The following EXTL3 variants were observed in gnomAD, a reference collection of about 807,000 sequenced individuals.
EXTL3 encodes exostosin like glycosyltransferase 3.
A neutral mutation model predicts 69.3 loss-of-function variants in EXTL3; 27 were observed. That is an observed-to-expected ratio of 0.39 (90% confidence interval 0.29 to 0.54). The LOEUF is 0.54. EXTL3 is among the 20% of genes least tolerant of loss of function. The pLI, the probability that EXTL3 is intolerant of heterozygous loss-of-function variation, is 0.69. For synonymous variants in EXTL3, 511 were observed against 499.4 expected, an observed-to-expected ratio of 1.02 and a Z score of -0.31; for missense variants, 1,003 against 1,231.8, an observed-to-expected ratio of 0.81 and a Z score of 2.78.
chr8:28,617,988 G>C (rs1806349678), upstream of EXTL3, among the ~76,000 whole-genome samples: 1 of 152,166 alleles, frequency 6.6e-6, no homozygotes, highest in Non-Finnish European at 1.5e-5. Flanking sequence ...GGGTCTAAGG[G>C]GAGAGGGGAG....
intron 2 of EXTL3, among the ~76,000 whole-genome samples, chr8:28,714,805 T>C (rs2130732189): frequency 6.6e-6 from 1 of 152,320 alleles, no homozygotes; most frequent in Non-Finnish European, 1.5e-5. Context: ...TCCACTGCAC[T>C]TTGTATCACA....
chr8:28,640,228 T>A (rs1376442837), intron 1 of EXTL3, among the ~76,000 whole-genome samples: 1 of 152,248 alleles, frequency 6.6e-6, no homozygotes, highest in Admixed American at 6.5e-5. Flanking sequence ...TGTTGACTTG[T>A]ACCATAAAAT....
At chr8:28,707,114 T>C (rs1248213240) in intron 1 of EXTL3, among the ~76,000 whole-genome samples, 1 of 152,248 alleles carries the variant, frequency 6.6e-6, no homozygotes, top group African/African-American at 2.4e-5. Flanking sequence ...TTGAAAAATG[T>C]AATGAGGTGT....
intron 1 of EXTL3, among the ~76,000 whole-genome samples, chr8:28,679,764 T>C (rs936333980): frequency 1.3e-5 from 2 of 151,782 alleles, no homozygotes; most frequent in African/African-American, 2.4e-5. Context: ...CAGCCTTGTT[T>C]ACTATGATCC....
chr8:28,717,257 T>G lies in EXTL3; in HGVS notation c.1198T>G (p.Cys400Gly), dbSNP rs1199861799. ...GGATCAGGTCCTGGTGGAATTCACC[T>G]GCAAAAACCAGCCCAAACCCAGCCT... ...KLDQVLVEFT[C>G]KNQPKPSLPT... Residue 400 changes from cysteine (C) to glycine (G), a missense_variant, in exon 3 of 7, where the codon TGC (cysteine) becomes GGC (glycine). Around this residue, in one of 2 missense-constraint regions of EXTL3, gnomAD observed 742 missense variants for 815.4 expected, o/e 0.91. Coordinates refer to ENST00000220562, the MANE Select transcript of EXTL3 (RefSeq NM_001440.4). This position sits in a 1 kb window ranked among gnomAD's most constrained non-coding sequence, Gnocchi z 8.3. The G allele has an allele frequency of 6.2e-7, 1 of 1,614,094 alleles. No homozygotes were observed. Among genetic ancestry groups the G allele is most frequent in the Non-Finnish European group, 8.5e-7 (1 of 1,180,056 alleles).
intron 1 of EXTL3, among the ~76,000 whole-genome samples, chr8:28,649,234 C>T (rs984013985): frequency 4.6e-5 from 7 of 152,098 alleles, no homozygotes; most frequent in Non-Finnish European, 8.8e-5. Context: ...TTTCCTTGTA[C>T]CTGTATGCAA....
upstream of EXTL3, chr8:28,701,230 C>T (rs1800779318): frequency 6.6e-6 from 1 of 152,182 alleles, no homozygotes. Flanking sequence ...TCCTCCCCGC[C>T]ATCTGCGGTC....
At chr8:28,626,547 T>G (rs1806494352) in intron 1 of EXTL3, among the ~76,000 whole-genome samples, 1 of 152,246 alleles carries the variant, frequency 6.6e-6, no homozygotes, top group African/African-American at 2.4e-5. Context: ...CATTTGGTTT[T>G]TGTAACCACC....
chr8:28,737,425 C>A, intron 4 of EXTL3, 94 bp from the exon 5 acceptor site: 2 of 1,368,416 alleles, frequency 1.5e-6, no homozygotes, highest in Non-Finnish European at 2.1e-6. Context: ...AGCCTAAGGG[C>A]CAGAGCTTGT....
chr8:28,634,154 T>C (rs566406446), intron 1 of EXTL3, among the ~76,000 whole-genome samples: 24 of 152,370 alleles, frequency 1.6e-4, no homozygotes, highest in African/African-American at 5.8e-4. Context: ...AGCTTTTTGT[T>C]TTTATGCTTT....
At position 28,730,797 on chromosome 8, in the gene EXTL3, T is replaced by G. The variant is rs576124716; in HGVS notation, c.2149-426T>G. Among the ~76,000 whole-genome samples, 21 of 152,078 alleles carry G rather than the reference T, an allele frequency of 1.4e-4. No individual in the cohort carries two copies. The South Asian group carries it at 2.7e-3, about 20-fold the overall frequency. ...TTATATCCCAAAAAGGCGTTAGAAT[T>G]GGGAGTCAGAAGTGACAGACTCATG... On this transcript the variant is annotated intron_variant, in intron 3 of 6. Coordinates refer to ENST00000220562, the MANE Select transcript of EXTL3 (RefSeq NM_001440.4).
intron 1 of EXTL3, among the ~76,000 whole-genome samples, chr8:28,707,508 C>A (rs556888302): frequency 6.6e-6 from 1 of 152,228 alleles, no homozygotes; most frequent in African/African-American, 2.4e-5. Flanking sequence ...CATTGAAGTG[C>A]GGACTTTCTG....
At chr8:28,616,855 G>A (rs544632811) in intron 2 of EXTL3, among the ~76,000 whole-genome samples, 1 of 152,256 alleles carries the variant, frequency 6.6e-6, no homozygotes, top group African/African-American at 2.4e-5. Context: ...GCATTGCCTC[G>A]GAACCAGCTG....
At chr8:28,687,771 A>G (rs1280124060) in intron 1 of EXTL3, among the ~76,000 whole-genome samples, 1 of 152,188 alleles carries the variant, frequency 6.6e-6, no homozygotes, top group African/African-American at 2.4e-5. Flanking sequence ...GAAAAGAGAA[A>G]GGATGGGGAG....
At chr8:28,687,032 G>A (rs1392764868) in intron 1 of EXTL3, among the ~76,000 whole-genome samples, 1 of 152,218 alleles carries the variant, frequency 6.6e-6, no homozygotes, top group African/African-American at 2.4e-5. Context: ...ATGAGACTTT[G>A]AGGTGGGACT....
chr8:28,645,043 C>T (rs1345354823), intron 1 of EXTL3, among the ~76,000 whole-genome samples: 1 of 152,056 alleles, frequency 6.6e-6, no homozygotes, highest in Non-Finnish European at 1.5e-5. Context: ...CTCCTCCTTT[C>T]TTTTCTTCTT....
chr8:28,738,434 C>T lies in EXTL3; in HGVS notation c.2421+771C>T, dbSNP rs950227046. Among the ~76,000 whole-genome samples, 7 of 152,200 alleles carry T rather than the reference C, an allele frequency of 4.6e-5. No individual in the cohort carries two copies. In the East Asian group the frequency reaches 7.7e-4, roughly 17 times the overall value. On this transcript the variant is annotated intron_variant, in intron 5 of 6. Coordinates refer to ENST00000220562, the MANE Select transcript of EXTL3 (RefSeq NM_001440.4). The stretch of plus-strand genomic sequence containing the variant: ...CTTGAAATGCAGTTAGTTTGGATTA[C>T]TGGGTTAAATACAGTTATTGATTTT...
At chr8:28,742,272 C>G (rs1481860250) in intron 5 of EXTL3, 1 of 152,058 alleles carries the variant, frequency 6.6e-6, no homozygotes, top group Non-Finnish European at 1.5e-5. Context: ...GTAATTACAT[C>G]TTTAATAATG....
intron 4 of EXTL3, among the ~76,000 whole-genome samples, chr8:28,733,505 C>T (rs1801582071): frequency 6.6e-6 from 1 of 151,392 alleles, no homozygotes; most frequent in South Asian, 2.1e-4. Context: ...CTCAAGTGAT[C>T]CTCCTGAGTA....
Sources: allele counts gnomAD v4.1 joint callset (sites outside exome capture counted in the v4.1 genomes callset), GRCh38; gene constraint gnomAD v4.1.1; regional missense constraint gnomAD v4.1.1; non-coding constraint Gnocchi (gnomAD v3.1); transcripts MANE v1.5; gene names NCBI Gene and HGNC (gene_info 2026-07-23, HGNC 2026-07-21).